The following EPM2A variants were observed in gnomAD, a reference collection of about 807,000 sequenced individuals.
EPM2A encodes the protein laforin.
Under a neutral mutation model 26.5 loss-of-function variants are expected in EPM2A, and 21 were observed. That is an observed-to-expected ratio of 0.79 (90% CI 0.56 to 1.14). EPM2A has a LOEUF of 1.14. Among genes scored for constraint, EPM2A ranks in the 50% most tolerant of loss-of-function variants. EPM2A has a pLI of 0.00. For synonymous variants in EPM2A, 217 were observed against 177.6 expected (o/e 1.22, Z -1.76); for missense variants, 458 against 440.8 (o/e 1.04, Z -0.35).
At chr6:145,405,259 G>A (rs1333702931) in intron 4 of EPM2A, among the ~76,000 whole-genome samples, 1 of 152,116 alleles carries the variant, frequency 6.6e-6, no homozygotes, top group Non-Finnish European at 1.5e-5. Context: ...TTATATACAA[G>A]TTGTTAGACA....
intron 1 of EPM2A, among the ~76,000 whole-genome samples, chr6:145,732,402 A>T: frequency 1.3e-5 from 1 of 76,490 alleles, no homozygotes; most frequent in South Asian, 3.0e-4. Flanking sequence ...TATCAGAAAC[A>T]CACACACACA....
intron 1 of EPM2A, among the ~76,000 whole-genome samples, chr6:145,689,023 T>G (rs1169909191): frequency 6.6e-6 from 1 of 152,224 alleles, no homozygotes; most frequent in Non-Finnish European, 1.5e-5. Context: ...ATTGAATTAT[T>G]ACCTATTAAA....
At chr6:145,444,054 A>G (rs1779100884) in intron 4 of EPM2A, among the ~76,000 whole-genome samples, 1 of 152,188 alleles carries the variant, frequency 6.6e-6, no homozygotes, top group African/African-American at 2.4e-5. Context: ...GGACTAATGC[A>G]CAGGAATCGT....
At position 145,555,801 on chromosome 6, in the gene EPM2A, G is replaced by C. The variant is rs368325641; in HGVS notation, c.341-53226C>G. ...TGTTCCTCTAACCTAACTTGGCTTT[G>C]CTCTCTCATCTATTCCACACACTCC... On this transcript the variant is annotated intron_variant, in intron 2 of 3. Transcript: ENST00000450221. Among the ~76,000 whole-genome samples, 17 of 151,986 alleles carry C rather than the reference G, an allele frequency of 1.1e-4. No individual in the cohort carries two copies. The East Asian group carries it at 1.4e-3, about 12-fold the overall frequency.
In EPM2A at chr6:145,532,691, G is replaced by A. The variant is rs576047087; in HGVS notation, c.341-30116C>T. Among the ~76,000 whole-genome samples the A allele has an allele frequency of 5.9e-5, 9 of 152,274 alleles. No homozygotes were observed. In the South Asian group the frequency reaches 1.0e-3, roughly 18 times the overall value. On this transcript the variant is annotated intron_variant, in intron 2 of 3. Coordinates refer to the EPM2A transcript ENST00000450221. ...TGACAAGCATAATATCTGTGTCAGT[G>A]TACATGATTCATCTGTTGTTGGGTC... is the stretch of plus-strand genomic sequence containing the variant.
At chr6:145,397,626 A>T (rs1388396612) in intron 4 of EPM2A, among the ~76,000 whole-genome samples, 1 of 152,198 alleles carries the variant, frequency 6.6e-6, no homozygotes, top group Non-Finnish European at 1.5e-5. Flanking sequence ...CAGTGAGGCC[A>T]TAATCTCCAG....
intron 2 of EPM2A, among the ~76,000 whole-genome samples, chr6:145,540,107 C>T (rs572561393): frequency 6.6e-6 from 1 of 152,284 alleles, no homozygotes; most frequent in African/African-American, 2.4e-5. Flanking sequence ...CCAGCCTGAC[C>T]CTGGTGCTTC....
chr6:145,585,368 C>A (rs918371676), intron 2 of EPM2A, among the ~76,000 whole-genome samples: 1 of 152,090 alleles, frequency 6.6e-6, no homozygotes, highest in African/African-American at 2.4e-5. Context: ...GCATATTATG[C>A]TTCTTGAAGT....
chr6:145,667,315 C>A (rs1277045767), intron 2 of EPM2A, among the ~76,000 whole-genome samples: 16 of 142,568 alleles, frequency 1.1e-4, no homozygotes, highest in African/African-American at 4.3e-4. Context: ...AACAAATTTA[C>A]AAGAAAAAAA....
chr6:145,502,862 T>G (rs1779911963), intron 2 of EPM2A, among the ~76,000 whole-genome samples: 1 of 152,346 alleles, frequency 6.6e-6, no homozygotes, highest in Middle Eastern at 3.4e-3. Flanking sequence ...TGAATAATTA[T>G]TACATTGAAT....
chr6:145,604,350 A>G (rs1335142132), intron 2 of EPM2A, among the ~76,000 whole-genome samples: 1 of 152,152 alleles, frequency 6.6e-6, no homozygotes. Flanking sequence ...GAAAAATAAC[A>G]TATTAGATGT....
downstream of EPM2A, among the ~76,000 whole-genome samples, chr6:145,499,750 A>G (rs1413218101): frequency 6.6e-6 from 1 of 152,352 alleles, no homozygotes; most frequent in South Asian, 2.1e-4. Flanking sequence ...AAGATCAAAT[A>G]ATACTCCACA....
chr6:145,469,420 A>T (rs1209361391), intron 4 of EPM2A, among the ~76,000 whole-genome samples: 2 of 152,180 alleles, frequency 1.3e-5, no homozygotes, highest in African/African-American at 4.8e-5. Context: ...TCATATAAAA[A>T]TATGCTCAAC....
At chr6:145,394,795 C>G (rs1298877782) in intron 4 of EPM2A, among the ~76,000 whole-genome samples, 1 of 152,126 alleles carries the variant, frequency 6.6e-6, no homozygotes, top group East Asian at 1.9e-4. Context: ...TCTTTGCCTT[C>G]ATGTGAAAGG....
At chr6:145,713,508 A>C (rs904570160) in intron 1 of EPM2A, among the ~76,000 whole-genome samples, 1 of 152,220 alleles carries the variant, frequency 6.6e-6, no homozygotes, top group African/African-American at 2.4e-5. Context: ...CAACATCATT[A>C]GTCATTAGGG....
chr6:145,728,589 A>C (rs192030777), intron 1 of EPM2A, among the ~76,000 whole-genome samples: 23 of 152,368 alleles, frequency 1.5e-4, no homozygotes, highest in African/African-American at 3.6e-4. Flanking sequence ...ATTTCTAAGC[A>C]GCAAAGCATT....
At chr6:145,664,889 T>A (rs1779046503) in intron 2 of EPM2A, among the ~76,000 whole-genome samples, 2 of 150,460 alleles carry the variant, frequency 1.3e-5, no homozygotes, top group African/African-American at 4.9e-5. Context: ...ACATGGAAAC[T>A]GAACAACCTG....
intron 4 of EPM2A, among the ~76,000 whole-genome samples, chr6:145,449,977 A>G (rs1436217194): frequency 1.3e-5 from 2 of 152,068 alleles, no homozygotes; most frequent in Non-Finnish European, 2.9e-5. Flanking sequence ...GCAAATTAAA[A>G]CCAAATGAAA....
downstream of EPM2A, among the ~76,000 whole-genome samples, chr6:145,498,606 C>G (rs1209671355): frequency 6.6e-6 from 1 of 152,158 alleles, no homozygotes; most frequent in East Asian, 1.9e-4. Context: ...AACCACTTCC[C>G]TCGGTAGGGG....
Sources: gnomAD v4.1 joint callset for allele counts (sites outside exome capture counted in the v4.1 genomes callset) on GRCh38, gnomAD v4.1.1 for gene constraint, MANE v1.5 for transcripts, NCBI Gene and HGNC (gene_info 2026-07-23, HGNC 2026-07-21) for gene names.